RP1L1: variants seen among roughly 807,000 people sequenced by gnomAD.
RP1L1 encodes the protein retinitis pigmentosa 1-like 1 protein.
RP1L1 carries 27 observed loss-of-function variants against 15.7 expected under a neutral mutation model. That is an observed-to-expected ratio of 1.72 (90% CI 1.27 to 2.38). The LOEUF is 2.38. RP1L1 is among the 30% of genes most tolerant of loss of function. The pLI is 0.00. For synonymous variants in RP1L1, 1,813 were observed against 1,276.7 expected (o/e 1.42, Z -8.96); for missense variants, 4,798 against 3,075.9 (o/e 1.56, Z -13.24).
At position 10,612,442 on chromosome 8, in the gene RP1L1, G is replaced by T. The variant is rs370081975; in HGVS notation, c.1656C>A (p.Pro552=). The change falls in exon 4 of 4, where the codon CCC becomes CCA. Residue 552 remains proline (P), a synonymous_variant. Coordinates refer to ENST00000382483, the MANE Select transcript of RP1L1 (RefSeq NM_178857.6). ...HEGSSEWGGR[P]QGCPGKARAE... ...CCCTTGCCTTGCCTGGACAGCCCTG[G>T]GGCCGCCCACCCCATTCGCTGGATC... is the stretch of plus-strand genomic sequence containing the variant. The T allele has an allele frequency of 4.9e-5, 79 of 1,612,532 alleles. No homozygotes were observed. The highest frequency in any genetic ancestry group is 1.2e-4 in the Admixed American group (7 of 60,012).
chr8:10,614,524 G>C (rs1004146440), intron 3 of RP1L1, among the ~76,000 whole-genome samples: 4 of 152,120 alleles, frequency 2.6e-5, no homozygotes, highest in African/African-American at 9.7e-5. Context: ...AGCTGGGCGT[G>C]GTTGTGGGAG....
chr8:10,615,304 GC>G (rs1262923401), intron 3 of RP1L1, among the ~76,000 whole-genome samples: 1 of 152,182 alleles, frequency 6.6e-6, no homozygotes, highest in Non-Finnish European at 1.5e-5. Flanking sequence ...TGTTAATTGT[GC>G]TTTTAAAAAT....
At chr8:10,636,183 C>T (rs188762165) in intron 1 of RP1L1, among the ~76,000 whole-genome samples, 8 of 152,340 alleles carry the variant, frequency 5.3e-5, no homozygotes, top group Admixed American at 2.6e-4. Flanking sequence ...GCCTTGCCAT[C>T]GCTCAGACTT....
At position 10,609,874 on chromosome 8, in the gene RP1L1, C is replaced by T; in HGVS notation, c.4224G>A (p.Gln1408=). The T allele has an allele frequency of 6.2e-7, 1 of 1,601,272 alleles. No homozygotes were observed. Among genetic ancestry groups the T allele is most frequent in the Non-Finnish European group, 8.5e-7 (1 of 1,171,052 alleles). The change falls in exon 4 of 4, where the codon CAG becomes CAA. Residue 1408 remains glutamine (Q), a synonymous_variant. Coordinates refer to ENST00000382483, the MANE Select transcript of RP1L1 (RefSeq NM_178857.6). ...GLPEEGSVHG[Q]ELSEASSPDG... Reference sequence around the variant, plus strand: ...CCGGAGAGCTGGCCTCTGACAATTCCTGCCCGTGGACGCTTCCTTCTTCTG... The same window carrying T: ...CCGGAGAGCTGGCCTCTGACAATTCTTGCCCGTGGACGCTTCCTTCTTCTG...
intron 1 of RP1L1, among the ~76,000 whole-genome samples, chr8:10,643,124 C>T (rs1475890838): frequency 6.6e-6 from 1 of 152,084 alleles, no homozygotes; most frequent in Non-Finnish European, 1.5e-5. Flanking sequence ...ATTGCTTGAT[C>T]CCAGGAGTTC....
chr8:10,606,766 G>A lies in RP1L1; in HGVS notation c.*129C>T. On this transcript the variant is annotated 3_prime_UTR_variant, in exon 4 of 4. Coordinates refer to ENST00000382483, the MANE Select transcript of RP1L1 (RefSeq NM_178857.6). ...CAGCATGGCATGGGCTGTGTCCTTG[G>A]CAAGTCCTTGGTCTTTGTCCATGTA... 2 of 1,487,876 alleles carry A rather than the reference G, an allele frequency of 1.3e-6. No homozygotes were observed. Among genetic ancestry groups the A allele is most frequent in the South Asian group, 2.5e-5 (2 of 78,822 alleles). 92.2% of individuals were successfully genotyped at this position (1,487,876 alleles called of 1,614,324 possible). A position where few individuals can be genotyped will look rare whatever the true frequency, so the allele number is the denominator to read the frequency against.
intron 1 of RP1L1, among the ~76,000 whole-genome samples, chr8:10,651,798 T>TCCA (rs1332767297): frequency 6.8e-6 from 1 of 148,114 alleles, no homozygotes; most frequent in Admixed American, 6.7e-5. Flanking sequence ...GAGCTGTTGC[T>TCCA]CCATGACTGT....
At chr8:10,630,767 G>T (rs1443991125) in intron 1 of RP1L1, among the ~76,000 whole-genome samples, 1 of 152,222 alleles carries the variant, frequency 6.6e-6, no homozygotes, top group Non-Finnish European at 1.5e-5. Flanking sequence ...AAGCTCTCCA[G>T]GTGATTCTCA....
intron 1 of RP1L1, among the ~76,000 whole-genome samples, chr8:10,639,671 G>C (rs1001081455): frequency 6.6e-6 from 1 of 152,134 alleles, no homozygotes; most frequent in East Asian, 1.9e-4. Flanking sequence ...ACTGTGACTG[G>C]CCAGTTTAAA....
chr8:10,646,989 C>T (rs185131248), intron 1 of RP1L1, among the ~76,000 whole-genome samples: 198 of 152,322 alleles, frequency 1.3e-3, no homozygotes, highest in Middle Eastern at 3.4e-3. Flanking sequence ...TCGCCCGAGG[C>T]GGAACCCCTG....
At chr8:10,651,035 G>C (rs925798518) in intron 1 of RP1L1, among the ~76,000 whole-genome samples, 1 of 152,234 alleles carries the variant, frequency 6.6e-6, no homozygotes, top group African/African-American at 2.4e-5. Flanking sequence ...AAAGTGCTCT[G>C]GGATAATTTG....
chr8:10,631,086 T>C (rs1217437216), intron 1 of RP1L1, among the ~76,000 whole-genome samples: 1 of 152,096 alleles, frequency 6.6e-6, no homozygotes, highest in Non-Finnish European at 1.5e-5. Context: ...TTGGGAGCCA[T>C]GGTCGACTTC....
intron 1 of RP1L1, among the ~76,000 whole-genome samples, chr8:10,631,337 A>ACACACATG (rs1554456612): frequency 2.0e-5 from 2 of 101,356 alleles, no homozygotes; most frequent in East Asian, 2.0e-3. Flanking sequence ...ACACACATGC[A>ACACACATG]CACACACGCA....
intron 1 of RP1L1, among the ~76,000 whole-genome samples, chr8:10,643,375 C>T (rs1798434033): frequency 6.6e-6 from 1 of 152,142 alleles, no homozygotes; most frequent in Admixed American, 6.5e-5. Context: ...AATGGTGTCT[C>T]TCTGATTCTG....
chr8:10,632,342 A>T (rs1798265473), intron 1 of RP1L1, among the ~76,000 whole-genome samples: 1 of 152,202 alleles, frequency 6.6e-6, no homozygotes. Context: ...CTCCTCTGGA[A>T]ATGGAGGCGG....
At chr8:10,641,287 A>C (rs942000399) in intron 1 of RP1L1, among the ~76,000 whole-genome samples, 1 of 152,212 alleles carries the variant, frequency 6.6e-6, no homozygotes, top group African/African-American at 2.4e-5. Flanking sequence ...TCAGAATAGG[A>C]GAGCCCAAAT....
intron 2 of RP1L1, among the ~76,000 whole-genome samples, chr8:10,622,361 A>G (rs11988216): frequency 1.3e-5 from 2 of 151,000 alleles, no homozygotes; most frequent in African/African-American, 2.4e-5. Context: ...AAGAGTACAC[A>G]GGCACAATGC....
At position 10,609,753 on chromosome 8, in the gene RP1L1, C is replaced by A; in HGVS notation, c.4345G>T (p.Glu1449Ter). Residue 1449 changes from glutamate to a stop codon, truncating the protein, a stop_gained, in exon 4 of 4, where the codon GAA becomes TAA. Transcript: ENST00000382483. LOFTEE classifies it low-confidence loss of function (END_TRUNC). ...AGATGACTAGGGGGCTCTGTGGGTTCCTCTGTGCCCTCTGCGGGGCACGGC... is the reference window on the plus strand; with the variant it reads ...AGATGACTAGGGGGCTCTGTGGGTTACTCTGTGCCCTCTGCGGGGCACGGC... ...AEPCPAEGTE[E>*]PTEPPSHLSE... 1.2e-6 allele frequency: 2 copies of A among 1,613,528 alleles called. No individual in the cohort carries two copies. Among genetic ancestry groups the A allele is most frequent in the Non-Finnish European group, 1.7e-6 (2 of 1,179,676 alleles).
intron 1 of RP1L1, among the ~76,000 whole-genome samples, chr8:10,639,161 A>C (rs1428806805): frequency 6.6e-6 from 1 of 151,888 alleles, no homozygotes; most frequent in East Asian, 1.9e-4. Flanking sequence ...AAAGAAAAGA[A>C]AAGAAAAAAA....
Sources: gnomAD v4.1 joint callset for allele counts (sites outside exome capture counted in the v4.1 genomes callset) on GRCh38, gnomAD v4.1.1 for gene constraint, MANE v1.5 for transcripts, NCBI Gene and HGNC (gene_info 2026-07-23, HGNC 2026-07-21) for gene names.